The following FBN1 variants were observed in gnomAD, a reference collection of about 807,000 sequenced individuals.
The protein encoded by FBN1 is fibrillin 1, also known as fibrillin-1.
Under a neutral mutation model 365.1 loss-of-function variants are expected in FBN1, and 29 were observed. The ratio of observed to expected loss-of-function variants is 0.08; its 90% CI spans 0.06 to 0.11. The LOEUF (loss-of-function observed/expected upper bound fraction) is 0.11. Ranked by LOEUF, FBN1 falls within the 10% of genes least tolerant of loss-of-function variation. FBN1 has a pLI of 1.00. For synonymous variants in FBN1, 1,210 were observed against 1,270.5 expected (o/e 0.95, Z 1.01); for missense variants, 2,476 against 3,703.2 (o/e 0.67, Z 8.60).
In FBN1 at chr15:48,534,134, C is replaced by T; in HGVS notation, c.808G>A (p.Glu270Lys). The T allele has an allele frequency of 3.7e-6, 6 of 1,613,192 alleles. No homozygotes were observed. Among genetic ancestry groups the T allele is most frequent in the South Asian group, 1.1e-5 (1 of 91,040 alleles). ...TTGTGTCCAGCAGGGCATTTGCACTCAAAAGACCCAACAGTATTAATGCAA... is the reference window on the plus strand; with the variant it reads ...TTGTGTCCAGCAGGGCATTTGCACTTAAAAGACCCAACAGTATTAATGCAA... ...GNCINTVGSF[E>K]CKCPAGHKLN... Residue 270 changes from glutamate to lysine, a missense_variant, in exon 8 of 66, where the codon GAG becomes AAG. By Grantham distance (56) the Glu-to-Lys change is moderately conservative. This residue lies in a region of FBN1 where 421 missense variants were observed against 520.1 expected (regional missense o/e 0.81). Transcript: ENST00000316623.
Position 48,495,498 on chromosome 15 carries a change from G to A in FBN1, c.2510C>T (p.Thr837Ile). The change falls in exon 21 of 66, where the codon ACT (threonine) becomes ATT (isoleucine). Residue 837 changes from threonine (T) to isoleucine (I), a missense_variant. Thr to Ile is a moderately conservative substitution (Grantham distance 89). Transcript: ENST00000316623. Reference protein sequence around the residue: ...SFICECSSESTLDPTKTICIE... With the variant: ...SFICECSSESILDPTKTICIE... ...GCAGATGGTTTTTGTTGGATCCAAA[G>A]TACTTTCAGAAGAACATTCACAAAT... The A allele has an allele frequency of 6.2e-7, 1 of 1,614,022 alleles. No individual in the cohort carries two copies. Among genetic ancestry groups the A allele is most frequent in the Non-Finnish European group, 8.5e-7 (1 of 1,179,972 alleles).
At chr15:48,631,915 T>C (rs1889996356) in intron 2 of FBN1, among the ~76,000 whole-genome samples, 1 of 152,206 alleles carries the variant, frequency 6.6e-6, no homozygotes, top group Admixed American at 6.5e-5. Context: ...TTCCATTTAC[T>C]AAAATTTAAA....
chr15:48,426,625 A>C (rs781557394), intron 58 of FBN1, among the ~76,000 whole-genome samples: 1 of 152,124 alleles, frequency 6.6e-6, no homozygotes, highest in Non-Finnish European at 1.5e-5. Context: ...CACTTTCTAC[A>C]TGGGTTCTCA....
chr15:48,507,966 G>C (rs35716640), intron 15 of FBN1, among the ~76,000 whole-genome samples: 1 of 151,860 alleles, frequency 6.6e-6, no homozygotes, highest in East Asian at 1.9e-4. Context: ...TTTTTGCTTC[G>C]ATACCTGGGG....
rs1890265929 is a variant in FBN1, at chr15:48,644,833, C to T, written c.-64G>A. 2.3e-5 allele frequency: 35 copies of T among 1,529,490 alleles called. No individual in the cohort carries two copies. Among genetic ancestry groups the T allele is most frequent in the Non-Finnish European group, 2.8e-5 (32 of 1,139,972 alleles). 94.7% of individuals were successfully genotyped at this position (1,529,490 alleles called of 1,614,324 possible). On this transcript the variant is annotated 5_prime_UTR_variant, in exon 2 of 66. Coordinates refer to ENST00000316623, the MANE Select transcript of FBN1 (RefSeq NM_000138.5). ...CGCCCGGGGCTCGGTCTGCGGCCGC[C>T]GCTGCGCCCTGAAGCGCACCGCGCC...
intron 63 of FBN1, among the ~76,000 whole-genome samples, chr15:48,418,480 T>C (rs1831932670): frequency 6.6e-6 from 1 of 152,322 alleles, no homozygotes. Context: ...AAATAAGAAA[T>C]TGGCAAATAT....
Position 48,487,091 on chromosome 15 carries a change from A to G in FBN1, c.3573T>C (p.Asp1191=), listed in dbSNP as rs150912619. The change falls in exon 29 of 66, where the codon GAT becomes GAC. Residue 1191 remains aspartate, a synonymous_variant. Coordinates refer to ENST00000316623, the MANE Select transcript of FBN1 (RefSeq NM_000138.5). ...ACNPGYHSTP[D]RLFCVDIDEC... is the part of the protein sequence containing the mutation. Reference sequence around the variant, plus strand: ...AGAACTTACCAACACAAAATAGCCTATCGGGAGTTGAATGGTAGCCAGGGT... The same window carrying G: ...AGAACTTACCAACACAAAATAGCCTGTCGGGAGTTGAATGGTAGCCAGGGT... 3 of 1,613,644 alleles carry G rather than the reference A, an allele frequency of 1.9e-6. No individual in the cohort carries two copies. The highest frequency in any genetic ancestry group is 2.2e-5 in the East Asian group (1 of 44,872).
chr15:48,569,685 G>C (rs1282231191), intron 6 of FBN1, among the ~76,000 whole-genome samples: 1 of 152,014 alleles, frequency 6.6e-6, no homozygotes, highest in Non-Finnish European at 1.5e-5. Context: ...AGTGAAAAAA[G>C]CCAAATATAA....
intron 50 of FBN1, among the ~76,000 whole-genome samples, chr15:48,440,621 C>T (rs932573176): frequency 6.6e-6 from 1 of 152,120 alleles, no homozygotes; most frequent in Non-Finnish European, 1.5e-5. Context: ...TCTTACTTCC[C>T]AAATAACTAG....
chr15:48,457,299 C>T (rs1390326856), intron 43 of FBN1, among the ~76,000 whole-genome samples: 2 of 152,180 alleles, frequency 1.3e-5, no homozygotes, highest in Non-Finnish European at 2.9e-5. Flanking sequence ...AAAACGAGGT[C>T]AGCACCAAGG....
chr15:48,413,484 G>C (rs1466456628), intron 64 of FBN1, among the ~76,000 whole-genome samples: 2 of 152,156 alleles, frequency 1.3e-5, no homozygotes, highest in East Asian at 3.8e-4. Context: ...GTTTTTCTTT[G>C]CCTTTCAGTT....
At chr15:48,451,858 G>T (rs566368234) in intron 45 of FBN1, among the ~76,000 whole-genome samples, 2 of 152,256 alleles carry the variant, frequency 1.3e-5, no homozygotes, top group South Asian at 4.1e-4. Context: ...CTGGCTACAA[G>T]ATACCATCAG....
chr15:48,638,600 T>C (rs1890140589), intron 2 of FBN1, among the ~76,000 whole-genome samples: 1 of 144,744 alleles, frequency 6.9e-6, no homozygotes, highest in Admixed American at 7.1e-5. Flanking sequence ...AGTACAATCA[T>C]AAGTGATACA....
intron 48 of FBN1, among the ~76,000 whole-genome samples, 186 bp downstream of exon 48, chr15:48,445,190 A>G (rs1451867342): frequency 2.1e-5 from 3 of 141,302 alleles, no homozygotes; most frequent in Non-Finnish European, 4.6e-5. Context: ...ATATGTATAT[A>G]TATATACATA....
At chr15:48,457,016 G>T (rs780057769) in intron 43 of FBN1, among the ~76,000 whole-genome samples, 1 of 152,138 alleles carries the variant, frequency 6.6e-6, no homozygotes, top group African/African-American at 2.4e-5. Context: ...ATTTTGTACA[G>T]GTAGGAGATA....
At position 48,492,496 on chromosome 15, in the gene FBN1, C is replaced by A. The variant is rs759776685; in HGVS notation, c.2819G>T (p.Gly940Val). ...CCTTCCTGTGGCATCCAAAGTCATT[C>A]CACTGGGACACTGACACTTGAATGA... ...RGSFKCQCPS[G>V]MTLDATGRIC... Residue 940 changes from glycine (G) to valine (V), a missense_variant, in exon 24 of 66, where the codon GGA becomes GTA. Physicochemically the swap from Gly to Val is moderately radical, Grantham distance 109. Transcript: ENST00000316623. The A allele has an allele frequency of 1.9e-6, 3 of 1,613,542 alleles. No individual in the cohort carries two copies. The highest frequency in any genetic ancestry group is 2.5e-6 in the Non-Finnish European group (3 of 1,179,696).
At chr15:48,484,534 A>T (rs1171325071) in intron 30 of FBN1, among the ~76,000 whole-genome samples, 2 of 151,840 alleles carry the variant, frequency 1.3e-5, no homozygotes, top group African/African-American at 4.8e-5. Context: ...ACCACACCCA[A>T]CTAATTTTGT....
chr15:48,411,530 G>T (rs1350695766), intron 65 of FBN1, 151 bp from the exon 66 acceptor site: 1 of 702,530 alleles, frequency 1.4e-6, no homozygotes, highest in African/African-American at 1.8e-5. Flanking sequence ...TAGACCACAA[G>T]TGTATTAAAT....
intron 46 of FBN1, among the ~76,000 whole-genome samples, chr15:48,447,452 G>A (rs375217049): frequency 1.3e-5 from 2 of 151,986 alleles, no homozygotes; most frequent in South Asian, 2.1e-4. Context: ...ATTCTTATTC[G>A]CCTTTTGATT....
Sources: allele counts gnomAD v4.1 joint callset (sites outside exome capture counted in the v4.1 genomes callset), GRCh38; gene constraint gnomAD v4.1.1; regional missense constraint gnomAD v4.1.1; transcripts MANE v1.5; gene names NCBI Gene and HGNC (gene_info 2026-07-23, HGNC 2026-07-21).